Variants in NLGN1 observed in about 807,000 individuals in gnomAD.
NLGN1 encodes neuroligin 1, also known as neuroligin-1.
Under a neutral mutation model 65.5 loss-of-function variants are expected in NLGN1, and 12 were observed. The observed-to-expected ratio is 0.18, with a 90% CI of 0.12 to 0.30. The LOEUF (loss-of-function observed/expected upper bound fraction) is 0.30, where lower values mean the gene tolerates loss of function less well. Among genes scored for constraint, NLGN1 ranks in the 10% least tolerant of loss-of-function variants. NLGN1 has a pLI of 1.00. For synonymous variants in NLGN1, 350 were observed against 359.5 expected, an observed-to-expected ratio of 0.97 and a Z score of 0.30; for missense variants, 750 against 1,007.1, an observed-to-expected ratio of 0.74 and a Z score of 3.46.
Position 173,805,406 on chromosome 3 carries a change from A to T in NLGN1, c.494-2274A>T, listed in dbSNP as rs74874889. Among the ~76,000 whole-genome samples, 442 of 152,312 alleles carry T rather than the reference A, an allele frequency of 2.9e-3. 6 individuals carry two copies. The highest frequency in any genetic ancestry group is 9.8e-3 in the African/African-American group (409 of 41,574). On this transcript the variant is annotated intron_variant, in intron 3 of 6. Coordinates refer to ENST00000457714, the Ensembl canonical transcript of NLGN1. ...AAATTAAAAATTAAGATTAACCCAG[A>T]CTATCAGTAATCCTTTTAAGTCTAA...
intron 4 of NLGN1, among the ~76,000 whole-genome samples, chr3:173,965,662 C>T (rs990737121): frequency 6.6e-6 from 1 of 151,988 alleles, no homozygotes; most frequent in African/African-American, 2.4e-5. Flanking sequence ...GTAAAAGTGT[C>T]CCACAATTGG....
chr3:173,972,129 A>G (rs1716386552), intron 4 of NLGN1, among the ~76,000 whole-genome samples: 1 of 152,094 alleles, frequency 6.6e-6, no homozygotes, highest in African/African-American at 2.4e-5. Context: ...AACATTAACA[A>G]AGTAAGAATA....
chr3:173,918,758 T>C (rs898015313), intron 4 of NLGN1, among the ~76,000 whole-genome samples: 2 of 150,986 alleles, frequency 1.3e-5, no homozygotes, highest in African/African-American at 4.9e-5. Context: ...ATTGCCTTTA[T>C]TGAGTGTATC....
intron 2 of NLGN1, among the ~76,000 whole-genome samples, chr3:173,510,611 G>C (rs1262502960): frequency 1.3e-5 from 2 of 152,202 alleles, no homozygotes; most frequent in Admixed American, 6.6e-5. Flanking sequence ...GTTCTTGCAA[G>C]AATGATAGTA....
At chr3:174,240,588 C>CA (rs1277692819) in intron 4 of NLGN1, among the ~76,000 whole-genome samples, 3 of 152,044 alleles carry the variant, frequency 2.0e-5, no homozygotes, top group African/African-American at 7.2e-5. Context: ...TAGAAAGTAA[C>CA]AAAAAATCGC....
At chr3:173,609,261 T>G (rs373111374) in intron 3 of NLGN1, among the ~76,000 whole-genome samples, 3 of 152,144 alleles carry the variant, frequency 2.0e-5, no homozygotes, top group African/African-American at 7.2e-5. Context: ...TAATTTTCAT[T>G]CCTGCACTTG....
rs71162383 is a variant in NLGN1 at position 174,255,435 on chromosome 3, C to CAAAAAAAAAAAAAAAAA, written c.647-19875_647-19859dup. Among the ~76,000 whole-genome samples the CAAAAAAAAAAAAAAAAA allele has an allele frequency of 1.3e-3, 94 of 70,228 alleles. 14 individuals carry two copies. Among genetic ancestry groups the CAAAAAAAAAAAAAAAAA allele is most frequent in the African/African-American group, 7.1e-3 (92 of 12,944 alleles). 46.1% of individuals were successfully genotyped at this position (70,228 alleles called of 152,430 possible). On this transcript the variant is annotated intron_variant, in intron 4 of 6. Coordinates refer to ENST00000457714, the Ensembl canonical transcript of NLGN1. ...TAGGCGATAGAGCAAGACTCTGTCT[C>CAAAAAAAAAAAAAAAAA]AAAAAAAAAAAAAAAAAAAAAGCGC...
intron 3 of NLGN1, among the ~76,000 whole-genome samples, chr3:173,654,304 T>C (rs1262560523): frequency 1.3e-5 from 2 of 152,164 alleles, no homozygotes; most frequent in African/African-American, 2.4e-5. Flanking sequence ...TCTATTTAAA[T>C]AAGCATTTTA....
chr3:173,701,725 T>G (rs1767195252), intron 3 of NLGN1, among the ~76,000 whole-genome samples: 2 of 152,198 alleles, frequency 1.3e-5, no homozygotes, highest in South Asian at 4.1e-4. Flanking sequence ...AGCTTATGCC[T>G]TTTCTAATAA....
intron 4 of NLGN1, among the ~76,000 whole-genome samples, chr3:174,042,173 C>T (rs1324207018): frequency 6.6e-6 from 1 of 152,120 alleles, no homozygotes; most frequent in Non-Finnish European, 1.5e-5. Flanking sequence ...TACTCTGTGG[C>T]TTGCCTATTC....
chr3:173,641,820 T>C (rs1306647513), intron 3 of NLGN1, among the ~76,000 whole-genome samples: 1 of 152,176 alleles, frequency 6.6e-6, no homozygotes, highest in Non-Finnish European at 1.5e-5. Context: ...CCTGGTTTTG[T>C]AAATAATATT....
chr3:173,522,329 C>A (rs151182663), intron 2 of NLGN1, among the ~76,000 whole-genome samples: 1 of 152,296 alleles, frequency 6.6e-6, no homozygotes, highest in African/African-American at 2.4e-5. Context: ...TGTATCCATA[C>A]CACATTTTGT....
chr3:173,589,645 A>G (rs1438815076), intron 2 of NLGN1, among the ~76,000 whole-genome samples: 1 of 152,208 alleles, frequency 6.6e-6, no homozygotes, highest in Non-Finnish European at 1.5e-5. Flanking sequence ...CTTTCTATAA[A>G]GAGTAAATAA....
intron 3 of NLGN1, among the ~76,000 whole-genome samples, chr3:173,739,569 T>C (rs1774309422): frequency 6.6e-6 from 1 of 151,734 alleles, no homozygotes; most frequent in African/African-American, 2.4e-5. Context: ...TCCACTAGAG[T>C]CCTCCTGGAA....
At chr3:173,584,073 A>C (rs920789048) in intron 2 of NLGN1, among the ~76,000 whole-genome samples, 3 of 101,836 alleles carry the variant, frequency 2.9e-5, no homozygotes, top group Non-Finnish European at 5.7e-5. Context: ...TTTTGTAGAC[A>C]AAAAAAAAAA....
chr3:173,964,323 T>G (rs1714308714), intron 4 of NLGN1, among the ~76,000 whole-genome samples: 2 of 152,258 alleles, frequency 1.3e-5, no homozygotes, highest in South Asian at 4.1e-4. Context: ...ATACTGAAAT[T>G]ACACATTGTC....
At chr3:173,735,401 C>T (rs1278891501) in intron 3 of NLGN1, among the ~76,000 whole-genome samples, 3 of 152,046 alleles carry the variant, frequency 2.0e-5, no homozygotes. Context: ...AAGAGAAGAG[C>T]AATGTAAAAT....
intron 4 of NLGN1, among the ~76,000 whole-genome samples, chr3:173,943,804 A>C (rs1560692306): frequency 6.6e-6 from 1 of 152,204 alleles, no homozygotes; most frequent in South Asian, 2.1e-4. Context: ...AAGCTGTGAC[A>C]TTTTGTTATT....
At chr3:173,766,280 G>T (rs551204382) in intron 3 of NLGN1, among the ~76,000 whole-genome samples, 1 of 151,958 alleles carries the variant, frequency 6.6e-6, no homozygotes, top group South Asian at 2.1e-4. Context: ...GTAGAGACGG[G>T]GTTTCGCCAT....
Sources: allele counts gnomAD v4.1 joint callset (sites outside exome capture counted in the v4.1 genomes callset), GRCh38; gene constraint gnomAD v4.1.1; transcripts MANE v1.5; gene names NCBI Gene and HGNC (gene_info 2026-07-23, HGNC 2026-07-21).